TNR: variants seen among roughly 807,000 people sequenced by gnomAD.
TNR encodes the protein tenascin-R.
TNR carries 45 observed loss-of-function variants against 150.4 expected under a neutral mutation model. That is an observed-to-expected ratio of 0.30 (90% CI 0.24 to 0.38). The LOEUF is 0.38. Among genes scored for constraint, TNR ranks in the 10% least tolerant of loss-of-function variants. TNR has a pLI of 1.00. For synonymous variants in TNR, 687 were observed against 678.4 expected (o/e 1.01, Z -0.20); for missense variants, 1,544 against 1,759.1 (o/e 0.88, Z 2.19).
intron 1 of TNR, among the ~76,000 whole-genome samples, chr1:175,678,103 C>T (rs1231954708): frequency 2.6e-5 from 4 of 152,286 alleles, no homozygotes; most frequent in African/African-American, 9.6e-5. Context: ...TATATCATAG[C>T]AATTCTTTTC....
intron 2 of TNR, among the ~76,000 whole-genome samples, chr1:175,446,876 T>C (rs1434455930): frequency 6.6e-6 from 1 of 152,144 alleles, no homozygotes; most frequent in African/African-American, 2.4e-5. Context: ...TGTCTGTACA[T>C]GTGTATGCAT....
rs867067880 is a variant in TNR at position 175,363,772 on chromosome 1, C to T, written c.2643G>A (p.Met881Ile). 6.2e-7 allele frequency: 1 copy of T among 1,613,694 alleles called. No homozygotes were observed. Among genetic ancestry groups the T allele is most frequent in the African/African-American group, 1.3e-5 (1 of 74,904 alleles). ...ATGCAACAGGAGGGCTCCAGGAGAC[C>T]ATCACTGAGTCCTTGGTCACATTGC... ...TISNVTKDSV[M>I]VSWSPPVASF... The change falls in exon 13 of 23, where the codon ATG (methionine) becomes ATA (isoleucine). Residue 881 changes from methionine (M) to isoleucine (I), a missense_variant. By Grantham distance (10) the Met-to-Ile change is conservative (BLOSUM62 1). Around this residue, in one of 2 missense-constraint regions of TNR, gnomAD observed 1,254 missense variants for 1,329.4 expected, o/e 0.94. Transcript: ENST00000367674.
intron 18 of TNR, among the ~76,000 whole-genome samples, chr1:175,344,563 T>C (rs1650684399): frequency 6.6e-6 from 1 of 152,190 alleles, no homozygotes; most frequent in Non-Finnish European, 1.5e-5. Context: ...TCCTATTGAA[T>C]AGTACAAACA....
At chr1:175,644,380 G>A (rs573852268) in intron 1 of TNR, among the ~76,000 whole-genome samples, 4 of 152,294 alleles carry the variant, frequency 2.6e-5, no homozygotes, top group East Asian at 3.9e-4. Flanking sequence ...ATATTATACC[G>A]CAGTCTAACC....
At chr1:175,457,445 T>A (rs866741461) in intron 2 of TNR, among the ~76,000 whole-genome samples, 7 of 152,340 alleles carry the variant, frequency 4.6e-5, no homozygotes, top group Middle Eastern at 6.8e-3. Flanking sequence ...GACCACTGAG[T>A]TGGCCGGCCA....
intron 18 of TNR, among the ~76,000 whole-genome samples, chr1:175,350,087 G>C (rs765052846): frequency 6.6e-6 from 1 of 152,220 alleles, no homozygotes; most frequent in Non-Finnish European, 1.5e-5. Context: ...TATTGTTCCA[G>C]AGTGTGGTGT....
At chr1:175,727,989 G>A (rs1286621936) in intron 1 of TNR, among the ~76,000 whole-genome samples, 1 of 152,158 alleles carries the variant, frequency 6.6e-6, no homozygotes, top group African/African-American at 2.4e-5. Context: ...TGGGAATTAC[G>A]GTCATTATTG....
intron 5 of TNR, 31 bp from the exon 6 acceptor site, chr1:175,393,926 A>C (rs776428193): frequency 6.5e-7 from 1 of 1,536,396 alleles, no homozygotes; most frequent in Admixed American, 1.7e-5. Context: ...TGACAATGTC[A>C]TGGCTAACCC....
At chr1:175,728,725 C>T (rs767583252) in intron 1 of TNR, among the ~76,000 whole-genome samples, 6 of 152,162 alleles carry the variant, frequency 3.9e-5, no homozygotes, top group African/African-American at 1.4e-4. Flanking sequence ...TTTTAATAGG[C>T]TATAGGGCAT....
At chr1:175,440,919 G>T (rs1286302591) in intron 2 of TNR, among the ~76,000 whole-genome samples, 2 of 152,182 alleles carry the variant, frequency 1.3e-5, no homozygotes, top group Non-Finnish European at 2.9e-5. Flanking sequence ...ATAAGCAAAT[G>T]AAGGGGGCTG....
intron 1 of TNR, among the ~76,000 whole-genome samples, chr1:175,551,505 G>A (rs1392990344): frequency 1.3e-5 from 2 of 152,202 alleles, no homozygotes; most frequent in African/African-American, 4.8e-5. Flanking sequence ...GGGTGCCAGT[G>A]AAGGGAGTTT....
intron 2 of TNR, among the ~76,000 whole-genome samples, chr1:175,507,540 C>T (rs1407336743): frequency 1.3e-5 from 2 of 152,040 alleles, no homozygotes; most frequent in Non-Finnish European, 2.9e-5. Flanking sequence ...CGCCTCACAT[C>T]TGATCCCCCC....
chr1:175,521,475 C>T (rs1007866822), intron 2 of TNR, among the ~76,000 whole-genome samples: 8 of 152,184 alleles, frequency 5.3e-5, no homozygotes, highest in East Asian at 1.9e-4. Flanking sequence ...TCCAATTCTG[C>T]GTAGATCACT....
Position 175,403,223 on chromosome 1 carries a change from A to C in TNR, c.893T>G (p.Leu298Arg), listed in dbSNP as rs777219813. The C allele has an allele frequency of 1.4e-5, 22 of 1,613,912 alleles. No individual in the cohort carries two copies. The highest frequency in any genetic ancestry group is 1.9e-5 in the Non-Finnish European group (22 of 1,180,018). Reference sequence around the variant, plus strand: ...TTGTCCTCGCCCACTGCAGGCATTCAGACACTGCCGCTGGCCGCAGTCCTC... The same window carrying C: ...TTGTCCTCGCCCACTGCAGGCATTCCGACACTGCCGCTGGCCGCAGTCCTC... ...VGEDCGQRQC[L>R]NACSGRGQCE... The change falls in exon 4 of 23, where the codon CTG becomes CGG. Residue 298 changes from leucine (L) to arginine (R), a missense_variant. By Grantham distance (102) the Leu-to-Arg change is moderately radical. Around this residue, in one of 2 missense-constraint regions of TNR, gnomAD observed 1,254 missense variants for 1,329.4 expected, o/e 0.94. Transcript: ENST00000367674.
rs768713913 is a variant in TNR, at chr1:175,366,125, G to C, written c.2067C>G (p.Pro689=). The change falls in exon 11 of 23, where the codon CCC becomes CCG. Residue 689 remains proline, a synonymous_variant. Transcript: ENST00000367674. ...AGGAGGCTGTCACCATGAGGTCTCG[G>C]GGACTGTCAAGTTCTGTGGATTGAC... ...TMNARTELDS[P]RDLMVTASSE... 1 of 1,607,012 alleles carries C rather than the reference G, an allele frequency of 6.2e-7. No homozygotes were observed. The highest frequency in any genetic ancestry group is 1.1e-5 in the South Asian group (1 of 89,856).
At position 175,428,959 on chromosome 1, in the gene TNR, C is replaced by T. The variant is rs565791581; in HGVS notation, c.-63-22182G>A. Among the ~76,000 whole-genome samples, 939 of 152,268 alleles carry T rather than the reference C, an allele frequency of 6.2e-3. 11 individuals carry two copies. The highest frequency in any genetic ancestry group is 0.022 in the African/African-American group (918 of 41,564). On this transcript the variant is annotated intron_variant, in intron 2 of 22. Transcript: ENST00000367674. ...TTTGGGACCTGAAAAATTGGCACCC[C>T]TCCCTTGGGTTTTGAGTCTTCTAGT...
At chr1:175,687,254 A>G (rs1051643072) in intron 1 of TNR, among the ~76,000 whole-genome samples, 1 of 152,084 alleles carries the variant, frequency 6.6e-6, no homozygotes, top group Admixed American at 6.5e-5. Context: ...CATCATTTCC[A>G]CTGACAAGCA....
intron 2 of TNR, among the ~76,000 whole-genome samples, chr1:175,439,917 A>C (rs1184597299): frequency 1.3e-5 from 2 of 152,218 alleles, no homozygotes; most frequent in Non-Finnish European, 2.9e-5. Context: ...ACACTTTTAC[A>C]CTGTTGGTGG....
chr1:175,490,573 A>G (rs1658204540), intron 2 of TNR, among the ~76,000 whole-genome samples: 1 of 152,254 alleles, frequency 6.6e-6, no homozygotes, highest in Non-Finnish European at 1.5e-5. Flanking sequence ...ATGAACAGAC[A>G]CTTCTCAAAT....
Sources: gnomAD v4.1 joint callset for allele counts (sites outside exome capture counted in the v4.1 genomes callset) on GRCh38, gnomAD v4.1.1 for gene constraint, gnomAD v4.1.1 regional missense constraint, MANE v1.5 for transcripts, NCBI Gene and HGNC (gene_info 2026-07-23, HGNC 2026-07-21) for gene names.